Variants in GLIS3 observed in about 807,000 individuals in gnomAD.
GLIS3 encodes GLIS family zinc finger 3.
In GLIS3, 53 loss-of-function variants were observed where a neutral mutation model predicts 78.6. The ratio of observed to expected loss-of-function variants is 0.67; its 90% confidence interval spans 0.54 to 0.85. The LOEUF is 0.85. Among genes scored for constraint, GLIS3 ranks in the 40% least tolerant of loss-of-function variants. The pLI is 0.00. For synonymous variants in GLIS3, 684 were observed against 509.9 expected (o/e 1.34, Z -4.60); for missense variants, 1,703 against 1,231.1 (o/e 1.38, Z -5.74).
At chr9:4,081,779 A>G (rs1828571278) in intron 4 of GLIS3, among the ~76,000 whole-genome samples, 1 of 152,200 alleles carries the variant, frequency 6.6e-6, no homozygotes, top group African/African-American at 2.4e-5. Context: ...CAATTCTATC[A>G]TAAATTAGCC....
the GLIS3 span, among the ~76,000 whole-genome samples, chr9:4,449,337 C>T: frequency 1.3e-5 from 2 of 152,208 alleles, no homozygotes; most frequent in Non-Finnish European, 2.9e-5. Flanking sequence ...CTGGGCAGAA[C>T]CCACCACAGC....
chr9:4,043,393 G>T (rs1360028051), intron 4 of GLIS3, among the ~76,000 whole-genome samples: 2 of 152,114 alleles, frequency 1.3e-5, no homozygotes, highest in Non-Finnish European at 2.9e-5. Flanking sequence ...AGGCAGGTGG[G>T]GTGAGGGTGG....
chr9:3,879,558 TC>T lies in GLIS3; in HGVS notation c.2165del (p.Gly722GlufsTer84). On this transcript the variant is annotated frameshift_variant, in exon 8 of 11. Transcript: ENST00000381971. LOFTEE classifies it high-confidence loss of function. ...IFSSNYSSRS[G>X]TAAGAVPPPH... ...GGGGTGGTACGGCCCCAGCAGCTGT[TC>T]CACTTCGGCTTGAATAATTGCTGGA... 6.2e-7 allele frequency: 1 copy of T among 1,614,072 alleles called. No individual in the cohort carries two copies. The highest frequency in any genetic ancestry group is 1.7e-5 in the Admixed American group (1 of 60,028).
the GLIS3 span, among the ~76,000 whole-genome samples, chr9:4,481,631 G>A: frequency 6.6e-6 from 1 of 151,938 alleles, no homozygotes; most frequent in African/African-American, 2.4e-5. Flanking sequence ...TCTAAATGAT[G>A]TCTCATTATC....
upstream of GLIS3, among the ~76,000 whole-genome samples, chr9:4,302,081 T>A (rs1817098658): frequency 6.6e-6 from 1 of 152,042 alleles, no homozygotes; most frequent in Non-Finnish European, 1.5e-5. Context: ...CTTGTACCAG[T>A]ACAACCCTGG....
intron 2 of GLIS3, among the ~76,000 whole-genome samples, chr9:4,201,456 C>A (rs1374037034): frequency 1.3e-5 from 2 of 152,162 alleles, no homozygotes; most frequent in Admixed American, 1.3e-4. Flanking sequence ...ACCAAAGGCT[C>A]CTAGAACTGA....
chr9:4,342,093 T>C (rs1294139819), intron 2 of GLIS3, among the ~76,000 whole-genome samples: 7 of 152,202 alleles, frequency 4.6e-5, no homozygotes, highest in African/African-American at 1.4e-4. Flanking sequence ...GCAGAGGCTC[T>C]TTAGTTTAAT....
intron 2 of GLIS3, among the ~76,000 whole-genome samples, chr9:4,342,661 G>C (rs760416294): frequency 4.6e-5 from 7 of 152,136 alleles, no homozygotes; most frequent in Non-Finnish European, 8.8e-5. Context: ...AATAGGAATA[G>C]CATTAAATCT....
chr9:4,421,638 TCA>T, the GLIS3 span, among the ~76,000 whole-genome samples: 1 of 152,232 alleles, frequency 6.6e-6, no homozygotes, highest in African/African-American at 2.4e-5. Context: ...GAGGGTGCTC[TCA>T]TTTATTACTG....
chr9:3,963,534 G>A (rs935961451), intron 4 of GLIS3, among the ~76,000 whole-genome samples: 2 of 152,166 alleles, frequency 1.3e-5, no homozygotes, highest in Non-Finnish European at 2.9e-5. Flanking sequence ...AACTGTTAGT[G>A]ACTCAGCCAG....
chr9:4,390,280 C>T, the GLIS3 span, among the ~76,000 whole-genome samples: 1 of 152,224 alleles, frequency 6.6e-6, no homozygotes. Flanking sequence ...GGGTGCAATA[C>T]TTTGCACTAT....
chr9:4,138,877 T>C (rs493989), intron 2 of GLIS3, among the ~76,000 whole-genome samples: 6,250 of 152,126 alleles, frequency 0.041, 132 homozygotes, highest in Admixed American at 0.075. Flanking sequence ...GCACACAACC[T>C]CCAAAACCAG....
At chr9:3,993,195 ACTGACAACATAC>A (rs1200631074) in intron 4 of GLIS3, among the ~76,000 whole-genome samples, 2 of 152,172 alleles carry the variant, frequency 1.3e-5, no homozygotes, top group Non-Finnish European at 2.9e-5. Flanking sequence ...ATTAAAACCC[ACTGACAACATAC>A]CTGACTCTGC....
the GLIS3 span, among the ~76,000 whole-genome samples, chr9:4,366,987 G>A: frequency 2.6e-5 from 4 of 152,216 alleles, no homozygotes; most frequent in Admixed American, 6.5e-5. Context: ...CCTGAATTCC[G>A]TGAATGAAGG....
chr9:4,463,331 G>A, the GLIS3 span, among the ~76,000 whole-genome samples: 3 of 152,202 alleles, frequency 2.0e-5, no homozygotes, highest in Non-Finnish European at 4.4e-5. Context: ...AAAGGGGAAA[G>A]AGAGAAAGCA....
chr9:4,195,904 A>C (rs1239991579), intron 2 of GLIS3, among the ~76,000 whole-genome samples: 1 of 152,188 alleles, frequency 6.6e-6, no homozygotes. Context: ...AGAGGATTGT[A>C]AATGCACCAA....
At chr9:3,924,795 T>C (rs905315079) in intron 6 of GLIS3, among the ~76,000 whole-genome samples, 2 of 152,202 alleles carry the variant, frequency 1.3e-5, no homozygotes, top group Non-Finnish European at 2.9e-5. Flanking sequence ...TAGGACACTA[T>C]ATTTAGGTAG....
chr9:4,069,658 G>A (rs1430634491), intron 4 of GLIS3, among the ~76,000 whole-genome samples: 1 of 152,062 alleles, frequency 6.6e-6, no homozygotes, highest in Non-Finnish European at 1.5e-5. Flanking sequence ...GAAGTGCCTT[G>A]AAATGAAAGT....
chr9:4,267,365 A>T (rs1174009260), intron 2 of GLIS3, among the ~76,000 whole-genome samples: 1 of 152,184 alleles, frequency 6.6e-6, no homozygotes, highest in Non-Finnish European at 1.5e-5. Context: ...AGAAAAGACC[A>T]TCCTCTCATG....
Sources: allele counts gnomAD v4.1 joint callset (sites outside exome capture counted in the v4.1 genomes callset), GRCh38; gene constraint gnomAD v4.1.1; transcripts MANE v1.5; gene names NCBI Gene and HGNC (gene_info 2026-07-23, HGNC 2026-07-21).